Variants in CUX1 observed in about 807,000 individuals in gnomAD.
CUX1 encodes the protein cut like homeobox 1, also known as protein CASP.
Under a neutral mutation model 158.8 loss-of-function variants are expected in CUX1, and 31 were observed. That is an observed-to-expected ratio of 0.20 (90% confidence interval 0.15 to 0.26). The LOEUF (loss-of-function observed/expected upper bound fraction) is 0.26, where lower values mean the gene tolerates loss of function less well. Ranked by LOEUF, CUX1 falls within the 10% of genes least tolerant of loss-of-function variation. The pLI, the probability that CUX1 is intolerant of heterozygous loss-of-function variation, is 1.00. For missense variants in CUX1, 1,589 were observed against 2,014.6 expected (o/e 0.79, Z 4.04); for synonymous variants, 879 against 862.1 (o/e 1.02, Z -0.34).
chr7:102,002,291 C>A (rs1008578318), intron 2 of CUX1, among the ~76,000 whole-genome samples: 1 of 152,130 alleles, frequency 6.6e-6, no homozygotes, highest in Non-Finnish European at 1.5e-5. Context: ...CAGAGTGAGA[C>A]CCTGTCTCAG....
At chr7:102,216,509 T>C (rs868916783) in intron 20 of CUX1, among the ~76,000 whole-genome samples, 27 of 122,136 alleles carry the variant, frequency 2.2e-4, no homozygotes, top group African/African-American at 6.5e-4. Context: ...CGTGCGTGTG[T>C]GCGCGCACAC....
chr7:102,167,267 C>CAA (rs562023948), intron 9 of CUX1, among the ~76,000 whole-genome samples: 14 of 121,778 alleles, frequency 1.1e-4, no homozygotes, highest in South Asian at 2.6e-4. Flanking sequence ...GACTCTGTAT[C>CAA]AAAAAAAAAA....
At chr7:102,147,855 C>T (rs147392312) in intron 8 of CUX1, among the ~76,000 whole-genome samples, 5,085 of 152,042 alleles carry the variant, frequency 0.033, 120 homozygotes, top group Middle Eastern at 0.11. Context: ...AAAAATTAGC[C>T]GGGCATGGTG....
At chr7:101,892,288 A>G (rs377421070) in intron 1 of CUX1, among the ~76,000 whole-genome samples, 2 of 152,356 alleles carry the variant, frequency 1.3e-5, no homozygotes, top group East Asian at 3.8e-4. Flanking sequence ...CACATTTTAA[A>G]TAAGATTACA....
intron 2 of CUX1, among the ~76,000 whole-genome samples, chr7:101,947,407 G>GA (rs1391961722): frequency 1.3e-5 from 2 of 152,052 alleles, no homozygotes; most frequent in Non-Finnish European, 2.9e-5. Flanking sequence ...AACAAAAACC[G>GA]AAAAAACCAC....
At position 102,073,475 on chromosome 7, in the gene CUX1, G is replaced by A. The variant is rs1368047076; in HGVS notation, c.268+3058G>A. On this transcript the variant is annotated intron_variant, in intron 4 of 23. Coordinates refer to ENST00000292535, the MANE Select transcript of CUX1 (RefSeq NM_181552.4). ...GGCGTGAGCCACCATGCCCAGCCTA[G>A]CTGCTGTTTTCTAAATAACCTATAA... Among the ~76,000 whole-genome samples the A allele has an allele frequency of 3.3e-5, 5 of 152,102 alleles. No individual in the cohort carries two copies. In the East Asian group the frequency reaches 9.6e-4, roughly 29 times the overall value.
chr7:102,068,487 A>G (rs1409180166), intron 3 of CUX1, among the ~76,000 whole-genome samples: 1 of 152,050 alleles, frequency 6.6e-6, no homozygotes, highest in Admixed American at 6.6e-5. Flanking sequence ...ATTGACTTCA[A>G]ATTGGAATCT....
intron 18 of CUX1, among the ~76,000 whole-genome samples, chr7:102,279,432 C>G (rs1446391579): frequency 6.6e-6 from 1 of 152,212 alleles, no homozygotes; most frequent in Non-Finnish European, 1.5e-5. Context: ...AACTCACTTG[C>G]CGAGTTTTTC....
At chr7:101,977,700 G>A (rs1227787292) in intron 2 of CUX1, among the ~76,000 whole-genome samples, 1 of 152,046 alleles carries the variant, frequency 6.6e-6, no homozygotes, top group Non-Finnish European at 1.5e-5. Context: ...GAACCCAGGA[G>A]GCAGAGGCTG....
At chr7:102,042,193 C>G (rs1376363173) in intron 3 of CUX1, among the ~76,000 whole-genome samples, 1 of 152,172 alleles carries the variant, frequency 6.6e-6, no homozygotes, top group Non-Finnish European at 1.5e-5. Flanking sequence ...AAAGCTGCTG[C>G]TGGGTTGGAC....
At chr7:102,099,315 A>G (rs536968711) in intron 5 of CUX1, among the ~76,000 whole-genome samples, 1 of 152,190 alleles carries the variant, frequency 6.6e-6, no homozygotes, top group South Asian at 2.1e-4. Flanking sequence ...AGAGCGAGGC[A>G]TTGGGCTTAC....
At chr7:101,833,345 T>TCAAGACCAGCATGGGCAACAGTGA in intron 1 of CUX1, among the ~76,000 whole-genome samples, 1 of 150,628 alleles carries the variant, frequency 6.6e-6, no homozygotes, top group South Asian at 2.1e-4. Context: ...GCCCAGTTGT[T>TCAAGACCAGCATGGGCAACAGTGA]CAAGACCAGC....
chr7:101,993,915 C>T (rs768525787), intron 2 of CUX1, among the ~76,000 whole-genome samples: 33 of 152,324 alleles, frequency 2.2e-4, no homozygotes, highest in Admixed American at 5.2e-4. Context: ...GCTCCTGTTA[C>T]TCTCTCTGTC....
chr7:101,930,332 G>A (rs1806147452), intron 2 of CUX1, among the ~76,000 whole-genome samples: 1 of 152,220 alleles, frequency 6.6e-6, no homozygotes, highest in African/African-American at 2.4e-5. Flanking sequence ...CCATTGGCCT[G>A]TGAAAGCCTT....
intron 20 of CUX1, among the ~76,000 whole-genome samples, chr7:102,215,612 T>C (rs1796974642): frequency 6.6e-6 from 1 of 152,118 alleles, no homozygotes; most frequent in Admixed American, 6.6e-5. Context: ...TATGGAGAGA[T>C]TAGGAGGACG....
At chr7:102,112,673 C>T (rs1831058169) in intron 7 of CUX1, among the ~76,000 whole-genome samples, 1 of 151,724 alleles carries the variant, frequency 6.6e-6, no homozygotes, top group African/African-American at 2.4e-5. Flanking sequence ...TGGGCTCAAG[C>T]AATCCTCCCA....
intron 23 of CUX1, among the ~76,000 whole-genome samples, chr7:102,240,713 G>C (rs1554534620): frequency 6.6e-6 from 1 of 152,154 alleles, no homozygotes; most frequent in Non-Finnish European, 1.5e-5. Context: ...GACAGATTGA[G>C]CATCTTCTAG....
chr7:102,012,237 G>C (rs1818118794), intron 2 of CUX1, among the ~76,000 whole-genome samples: 1 of 152,014 alleles, frequency 6.6e-6, no homozygotes, highest in African/African-American at 2.4e-5. Context: ...GCCCAGGCTG[G>C]AGTACAGTGG....
intron 8 of CUX1, among the ~76,000 whole-genome samples, chr7:102,144,972 C>T (rs1303719611): frequency 6.6e-6 from 1 of 151,442 alleles, no homozygotes; most frequent in African/African-American, 2.4e-5. Context: ...CCTGTAGTCC[C>T]AGCTACTCAG....
Sources: allele counts gnomAD v4.1 joint callset (sites outside exome capture counted in the v4.1 genomes callset), GRCh38; gene constraint gnomAD v4.1.1; transcripts MANE v1.5; gene names NCBI Gene and HGNC (gene_info 2026-07-23, HGNC 2026-07-21).